The following PPM1E variants were observed in gnomAD, a reference collection of about 807,000 sequenced individuals.
PPM1E encodes protein phosphatase 1E.
PPM1E carries 20 observed loss-of-function variants against 65.9 expected under a neutral mutation model. That is an observed-to-expected ratio of 0.30 (90% CI 0.21 to 0.44). The LOEUF is 0.44. PPM1E is among the 20% of genes least tolerant of loss of function. The pLI is 1.00. For synonymous variants in PPM1E, 352 were observed against 374.9 expected, an observed-to-expected ratio of 0.94 and a Z score of 0.70; for missense variants, 713 against 953.1, an observed-to-expected ratio of 0.75 and a Z score of 3.32.
At chr17:58,895,843 C>T (rs747659907) in intron 1 of PPM1E, among the ~76,000 whole-genome samples, 12 of 149,740 alleles carry the variant, frequency 8.0e-5, no homozygotes, top group African/African-American at 2.0e-4. Context: ...CAGTGGCTCA[C>T]GCCTGTAATC....
chr17:58,843,356 T>C (rs2050739446), intron 1 of PPM1E, among the ~76,000 whole-genome samples: 1 of 148,522 alleles, frequency 6.7e-6, no homozygotes, highest in South Asian at 2.1e-4. Flanking sequence ...TAAATAAAAA[T>C]TAAAATAAAA....
chr17:58,977,440 C>CA (rs1282159101), intron 6 of PPM1E, among the ~76,000 whole-genome samples: 1,617 of 61,596 alleles, frequency 0.026, 18 homozygotes, highest in African/African-American at 0.055. Flanking sequence ...GACTCTGTCT[C>CA]AAAAAAAAAA....
At chr17:58,882,397 AT>A (rs576988169) in intron 1 of PPM1E, among the ~76,000 whole-genome samples, 7 of 148,240 alleles carry the variant, frequency 4.7e-5, no homozygotes, top group Non-Finnish European at 7.5e-5. Flanking sequence ...AGCAACTTGC[AT>A]TTTTTTTTTG....
chr17:58,901,158 T>C (rs1472382421), intron 1 of PPM1E, among the ~76,000 whole-genome samples: 1 of 152,170 alleles, frequency 6.6e-6, no homozygotes, highest in African/African-American at 2.4e-5. Flanking sequence ...TTATCTAATC[T>C]CTTCAATTCT....
intron 6 of PPM1E, among the ~76,000 whole-genome samples, chr17:58,973,930 C>A (rs1397896212): frequency 3.5e-5 from 4 of 115,122 alleles, no homozygotes; most frequent in Non-Finnish European, 4.9e-5. Flanking sequence ...CCAGGCTGGG[C>A]GACAGAGCGA....
At chr17:58,956,573 G>A (rs967091904) in intron 2 of PPM1E, among the ~76,000 whole-genome samples, 5 of 151,842 alleles carry the variant, frequency 3.3e-5, no homozygotes, top group African/African-American at 1.2e-4. Flanking sequence ...AGTAAATAGA[G>A]CTCTTTATGA....
At chr17:58,816,361 A>G (rs1598588533) in intron 1 of PPM1E, among the ~76,000 whole-genome samples, 1 of 152,108 alleles carries the variant, frequency 6.6e-6, no homozygotes, top group Non-Finnish European at 1.5e-5. Context: ...AGAGAAGGAA[A>G]TACTTTCAAA....
chr17:58,923,732 G>A (rs1340824007), intron 1 of PPM1E, among the ~76,000 whole-genome samples: 2 of 144,250 alleles, frequency 1.4e-5, no homozygotes, highest in Non-Finnish European at 3.0e-5. Flanking sequence ...GGGTGACAGA[G>A]TAAGACTTCG....
intron 1 of PPM1E, among the ~76,000 whole-genome samples, chr17:58,925,320 A>G (rs1158692456): frequency 6.6e-6 from 1 of 151,916 alleles, no homozygotes; most frequent in Non-Finnish European, 1.5e-5. Flanking sequence ...GCGTTTCTCT[A>G]ATCATTAGTG....
At chr17:58,919,070 A>G (rs2051719281) in intron 1 of PPM1E, among the ~76,000 whole-genome samples, 1 of 152,192 alleles carries the variant, frequency 6.6e-6, no homozygotes, top group Non-Finnish European at 1.5e-5. Flanking sequence ...TAGTCTCCAG[A>G]GTTGTAATTT....
rs144568883 is a variant in PPM1E at position 58,875,580 on chromosome 17, C to G, written c.465-80069C>G. Among the ~76,000 whole-genome samples, 50 of 152,284 alleles carry G rather than the reference C, an allele frequency of 3.3e-4. 1 individual carries two copies. The East Asian group carries it at 9.1e-3, about 28-fold the overall frequency. On this transcript the variant is annotated intron_variant, in intron 1 of 6. Transcript: ENST00000308249. ...CAATTTGTTAAGAGTTTAATTTATTCTCCAAATATAAGTTGCTTCTGTTTT... is the reference window on the plus strand; with the variant it reads ...CAATTTGTTAAGAGTTTAATTTATTGTCCAAATATAAGTTGCTTCTGTTTT...
intron 1 of PPM1E, among the ~76,000 whole-genome samples, chr17:58,771,202 T>TAA (rs1003066944): frequency 7.2e-5 from 11 of 152,106 alleles, no homozygotes; most frequent in African/African-American, 2.7e-4. Context: ...GATAGTCTTA[T>TAA]GTGTGGCTTG....
intron 1 of PPM1E, among the ~76,000 whole-genome samples, chr17:58,872,250 T>C (rs1184156211): frequency 2.6e-5 from 4 of 151,390 alleles, no homozygotes; most frequent in African/African-American, 4.9e-5. Flanking sequence ...TGAGCCGAGA[T>C]TGCACCACTG....
chr17:58,755,898 TTAACCGCCCTTGCCGG>T lies in PPM1E; in HGVS notation c.-99_-84del. ...CTGATCGCTCGTGCCGGTGCGGCCG[TTAACCGCCCTTGCCGG>T]AGCCCTAGGCTCAAAAGCAGCCCCT... On this transcript the variant is annotated 5_prime_UTR_variant, in exon 1 of 7. Transcript: ENST00000308249. The T allele has an allele frequency of 6.5e-7, 1 of 1,541,994 alleles. No homozygotes were observed. Among genetic ancestry groups the T allele is most frequent in the Non-Finnish European group, 8.7e-7 (1 of 1,146,114 alleles).
intron 2 of PPM1E, among the ~76,000 whole-genome samples, chr17:58,961,580 GT>G (rs1466965057): frequency 6.6e-6 from 1 of 152,176 alleles, no homozygotes; most frequent in Non-Finnish European, 1.5e-5. Flanking sequence ...GCAACTGGGA[GT>G]GGTATGAACA....
chr17:58,875,108 C>G (rs1007288748), intron 1 of PPM1E, among the ~76,000 whole-genome samples: 1 of 152,108 alleles, frequency 6.6e-6, no homozygotes, highest in Non-Finnish European at 1.5e-5. Context: ...TTTTGAAAGA[C>G]TTACTTTCTA....
intron 1 of PPM1E, among the ~76,000 whole-genome samples, chr17:58,802,034 A>G (rs963143436): frequency 6.6e-6 from 1 of 152,160 alleles, no homozygotes; most frequent in African/African-American, 2.4e-5. Flanking sequence ...CTGGAATTAC[A>G]GGCGTGAGCC....
chr17:58,904,527 G>A (rs2051533476), intron 1 of PPM1E, among the ~76,000 whole-genome samples: 1 of 152,152 alleles, frequency 6.6e-6, no homozygotes. Context: ...TGCTTATCTA[G>A]AAGATATCTG....
intron 1 of PPM1E, among the ~76,000 whole-genome samples, chr17:58,897,211 G>C (rs1003799140): frequency 2.0e-5 from 3 of 151,940 alleles, no homozygotes; most frequent in Non-Finnish European, 4.4e-5. Flanking sequence ...TCAGGAGATC[G>C]AGACCATCCT....
Sources: allele counts gnomAD v4.1 joint callset (sites outside exome capture counted in the v4.1 genomes callset), GRCh38; gene constraint gnomAD v4.1.1; transcripts MANE v1.5; gene names NCBI Gene and HGNC (gene_info 2026-07-23, HGNC 2026-07-21).